FANCC: variants seen among roughly 807,000 people sequenced by gnomAD.
FANCC encodes the protein Fanconi anemia group C protein.
A neutral mutation model predicts 71.3 loss-of-function variants in FANCC; 55 were observed. That is an observed-to-expected ratio of 0.77 (90% CI 0.62 to 0.97). The LOEUF (loss-of-function observed/expected upper bound fraction) is 0.97. Ranked by LOEUF, FANCC falls within the 50% of genes least tolerant of loss-of-function variation. The pLI, the probability that FANCC is intolerant of heterozygous loss-of-function variation, is 0.00. For missense variants in FANCC, 678 were observed against 670.9 expected (o/e 1.01, Z -0.12); for synonymous variants, 275 against 244.9 (o/e 1.12, Z -1.15).
chr9:95,247,372 C>T lies in FANCC; in HGVS notation c.250+60G>A, dbSNP rs759389544. 1,140 of 1,234,638 alleles carry T rather than the reference C, an allele frequency of 9.2e-4. 4 individuals carry two copies. The highest frequency in any genetic ancestry group is 1.2e-3 in the Non-Finnish European group (1,004 of 834,868). 76.5% of individuals were successfully genotyped at this position (1,234,638 alleles called of 1,614,324 possible). ...GGAGAAAGGTTCATAATGTAAGCCT[C>T]TGTGAAACAATGCAAAGATTAAAAT... is the stretch of plus-strand genomic sequence containing the variant. On this transcript the variant is annotated intron_variant, in intron 3 of 14. Transcript: ENST00000289081.
intron 4 of FANCC, among the ~76,000 whole-genome samples, chr9:95,181,320 C>CAGT (rs1159706696): frequency 1.3e-5 from 2 of 152,046 alleles, no homozygotes; most frequent in Non-Finnish European, 2.9e-5. Flanking sequence ...ATACAGAGGC[C>CAGT]AGTATATGGT....
chr9:95,197,666 C>G (rs1564744290), intron 4 of FANCC, among the ~76,000 whole-genome samples: 1 of 152,212 alleles, frequency 6.6e-6, no homozygotes, highest in South Asian at 2.1e-4. Context: ...ATGGCCCTCA[C>G]AGTCTGCAGG....
At chr9:95,180,765 G>C (rs1255890914) in intron 4 of FANCC, among the ~76,000 whole-genome samples, 1 of 151,800 alleles carries the variant, frequency 6.6e-6, no homozygotes. Context: ...ATAATTATAT[G>C]TGTTATCCTT....
chr9:95,226,964 C>A (rs772764909), intron 4 of FANCC, among the ~76,000 whole-genome samples: 1 of 152,244 alleles, frequency 6.6e-6, no homozygotes, highest in Middle Eastern at 3.4e-3. Flanking sequence ...TCGCTTCTAC[C>A]CCCACAGGCA....
chr9:95,211,511 G>A (rs1289125295), intron 4 of FANCC, among the ~76,000 whole-genome samples: 1 of 152,166 alleles, frequency 6.6e-6, no homozygotes. Flanking sequence ...AATTAGCCCT[G>A]GAGAAAGGCC....
At chr9:95,131,505 C>T (rs978982850) in intron 8 of FANCC, among the ~76,000 whole-genome samples, 1 of 152,200 alleles carries the variant, frequency 6.6e-6, no homozygotes, top group Non-Finnish European at 1.5e-5. Context: ...TCTTTCTTCA[C>T]AGAGACTATG....
chr9:95,294,878 G>C (rs1319602115), intron 1 of FANCC: 20 of 1,375,222 alleles, frequency 1.5e-5, no homozygotes, highest in South Asian at 3.2e-5. Flanking sequence ...TACGGACGGG[G>C]GACAACAGTA....
chr9:95,104,760 G>A (rs986934105), intron 14 of FANCC, among the ~76,000 whole-genome samples: 3 of 152,094 alleles, frequency 2.0e-5, no homozygotes, highest in Admixed American at 1.3e-4. Flanking sequence ...GACCCCTGCT[G>A]CTAAGCCTTC....
chr9:95,154,245 CAAAAAAAAAAAAA>C (rs58720791), intron 6 of FANCC, among the ~76,000 whole-genome samples: 4 of 49,956 alleles, frequency 8.0e-5, no homozygotes, highest in African/African-American at 3.1e-4. Flanking sequence ...GACTCCGTCT[CAAAAAAAAAAAAA>C]AAAAAAAAAA....
intron 4 of FANCC, among the ~76,000 whole-genome samples, chr9:95,188,174 T>C (rs1277065459): frequency 6.6e-6 from 1 of 152,190 alleles, no homozygotes; most frequent in African/African-American, 2.4e-5. Context: ...TCTGTTTGCC[T>C]ACACAGCAAG....
intron 4 of FANCC, among the ~76,000 whole-genome samples, chr9:95,232,363 A>G (rs1830058009): frequency 6.6e-6 from 1 of 152,206 alleles, no homozygotes; most frequent in Non-Finnish European, 1.5e-5. Context: ...ACAAACATAT[A>G]TTATGAACTC....
At chr9:95,278,202 G>A (rs1314395097) in intron 1 of FANCC, among the ~76,000 whole-genome samples, 1 of 152,152 alleles carries the variant, frequency 6.6e-6, no homozygotes. Context: ...ATAACATTGA[G>A]AGGTAATATG....
chr9:95,148,420 C>T (rs375120981), intron 7 of FANCC, among the ~76,000 whole-genome samples: 2 of 152,210 alleles, frequency 1.3e-5, no homozygotes, highest in African/African-American at 4.8e-5. Flanking sequence ...GGATTAGGCA[C>T]ATACTTTCTC....
At chr9:95,198,023 G>C (rs772237071) in intron 4 of FANCC, among the ~76,000 whole-genome samples, 2 of 152,126 alleles carry the variant, frequency 1.3e-5, no homozygotes, top group African/African-American at 2.4e-5. Flanking sequence ...ATATAATCAC[G>C]GGTTGAGACT....
intron 4 of FANCC, among the ~76,000 whole-genome samples, chr9:95,204,312 A>C (rs895740854): frequency 2.0e-5 from 3 of 152,214 alleles, no homozygotes; most frequent in Non-Finnish European, 4.4e-5. Context: ...GAGTTCAAGA[A>C]GCTTCATCTA....
intron 4 of FANCC, among the ~76,000 whole-genome samples, chr9:95,180,361 T>TG (rs1826267314): frequency 6.7e-6 from 1 of 148,946 alleles, no homozygotes; most frequent in Admixed American, 6.6e-5. Flanking sequence ...TTTTTTTTTT[T>TG]TTTGAGACAG....
At chr9:95,137,941 G>C (rs1827960125) in intron 7 of FANCC, among the ~76,000 whole-genome samples, 1 of 152,280 alleles carries the variant, frequency 6.6e-6, no homozygotes, top group African/African-American at 2.4e-5. Context: ...CTGCAGACAG[G>C]ACTTCAGAGG....
chr9:95,155,272 A>AGGGG (rs1830398213), intron 6 of FANCC, among the ~76,000 whole-genome samples: 1 of 21,280 alleles, frequency 4.7e-5, no homozygotes. Flanking sequence ...GAGGGGAGGA[A>AGGGG]AGGGGAGGGG....
chr9:95,291,283 C>T (rs540175392), intron 1 of FANCC, among the ~76,000 whole-genome samples: 1 of 152,100 alleles, frequency 6.6e-6, no homozygotes, highest in Non-Finnish European at 1.5e-5. Flanking sequence ...GGAAGTTAAA[C>T]TGTCTATGTT....
Sources: gnomAD v4.1 joint callset for allele counts (sites outside exome capture counted in the v4.1 genomes callset) on GRCh38, gnomAD v4.1.1 for gene constraint, MANE v1.5 for transcripts, NCBI Gene and HGNC (gene_info 2026-07-23, HGNC 2026-07-21) for gene names.